DCC: variants seen among roughly 807,000 people sequenced by gnomAD.
DCC encodes the protein netrin receptor DCC.
Under a neutral mutation model 172.5 loss-of-function variants are expected in DCC, and 58 were observed. That is an observed-to-expected ratio of 0.34 (90% confidence interval 0.27 to 0.42). The LOEUF is 0.42. Among genes scored for constraint, DCC ranks in the 10% least tolerant of loss-of-function variants. DCC has a pLI of 1.00. For synonymous variants in DCC, 709 were observed against 644.5 expected (o/e 1.10, Z -1.52); for missense variants, 1,740 against 1,791.0 (o/e 0.97, Z 0.51).
At chr18:53,225,598 T>C (rs777367905) in intron 12 of DCC, among the ~76,000 whole-genome samples, 1 of 152,066 alleles carries the variant, frequency 6.6e-6, no homozygotes, top group Non-Finnish European at 1.5e-5. Context: ...TAAGTAAAGG[T>C]CATCAGAGTA....
intron 2 of DCC, among the ~76,000 whole-genome samples, chr18:52,770,397 G>C (rs764159843): frequency 2.0e-5 from 3 of 152,140 alleles, no homozygotes; most frequent in Non-Finnish European, 4.4e-5. Context: ...TGAGTGTTTA[G>C]GTATCACTGC....
chr18:53,013,625 G>T (rs746375543), intron 5 of DCC, among the ~76,000 whole-genome samples: 4 of 151,356 alleles, frequency 2.6e-5, no homozygotes, highest in Non-Finnish European at 4.4e-5. Flanking sequence ...GGGTTGATAG[G>T]TGCAGCAAAC....
At chr18:52,990,734 C>T (rs912360462) in intron 5 of DCC, among the ~76,000 whole-genome samples, 5 of 151,990 alleles carry the variant, frequency 3.3e-5, no homozygotes, top group Admixed American at 3.3e-4. Flanking sequence ...GGAAGAATAG[C>T]TTATTTGTGT....
intron 2 of DCC, among the ~76,000 whole-genome samples, chr18:52,832,565 A>G (rs1474833835): frequency 6.6e-6 from 1 of 152,164 alleles, no homozygotes; most frequent in Non-Finnish European, 1.5e-5. Flanking sequence ...CAGTCTTAAT[A>G]GCTTAACACA....
At chr18:52,678,572 T>C (rs2035686086) in intron 1 of DCC, among the ~76,000 whole-genome samples, 1 of 152,138 alleles carries the variant, frequency 6.6e-6, no homozygotes, top group Non-Finnish European at 1.5e-5. Context: ...GTAAGAAGCT[T>C]AAAAAAGTAA....
intron 19 of DCC, among the ~76,000 whole-genome samples, 181 bp downstream of exon 19, chr18:53,403,074 G>GCACACACACA (rs3059148): frequency 6.9e-6 from 1 of 145,804 alleles, no homozygotes; most frequent in Non-Finnish European, 1.5e-5. Flanking sequence ...TTCTAATGGT[G>GCACACACACA]CACACACACA....
intron 27 of DCC, among the ~76,000 whole-genome samples, chr18:53,504,909 T>A (rs553108300): frequency 6.6e-6 from 1 of 152,180 alleles, no homozygotes; most frequent in Non-Finnish European, 1.5e-5. Flanking sequence ...TTTGGAGAAA[T>A]GTTTTTTTGT....
At chr18:52,934,935 T>C (rs1377056529) in intron 5 of DCC, 2 of 152,144 alleles carry the variant, frequency 1.3e-5, no homozygotes, top group African/African-American at 4.8e-5. Flanking sequence ...TATAAGAAAG[T>C]ACATTTGTGT....
At chr18:52,802,038 T>TA (rs1486576105) in intron 2 of DCC, among the ~76,000 whole-genome samples, 8 of 152,026 alleles carry the variant, frequency 5.3e-5, no homozygotes, top group South Asian at 2.1e-4. Context: ...TTCTTTTTTT[T>TA]ATCAACATCC....
intron 1 of DCC, among the ~76,000 whole-genome samples, chr18:52,714,207 G>T (rs140276703): frequency 6.6e-6 from 1 of 152,192 alleles, no homozygotes; most frequent in East Asian, 1.9e-4. Context: ...CTGACCACAG[G>T]GTCCATGGCA....
At chr18:52,412,029 C>T (rs1055439973) in intron 1 of DCC, among the ~76,000 whole-genome samples, 7 of 152,134 alleles carry the variant, frequency 4.6e-5, no homozygotes, top group African/African-American at 1.7e-4. Flanking sequence ...TCAAATCCCA[C>T]ATCTTCCTTA....
intron 25 of DCC, among the ~76,000 whole-genome samples, chr18:53,479,699 A>G (rs530620958): frequency 1.1e-4 from 17 of 152,332 alleles, no homozygotes; most frequent in African/African-American, 4.1e-4. Flanking sequence ...GAAAGTAAAT[A>G]TTTTAGATGA....
chr18:52,506,267 G>T (rs938604089), intron 1 of DCC, among the ~76,000 whole-genome samples: 1 of 152,018 alleles, frequency 6.6e-6, no homozygotes, highest in Admixed American at 6.5e-5. Flanking sequence ...AGCTATAATA[G>T]AATACCTTTT....
chr18:52,959,453 A>C (rs191194429), intron 5 of DCC, among the ~76,000 whole-genome samples: 1 of 152,092 alleles, frequency 6.6e-6, no homozygotes, highest in East Asian at 1.9e-4. Flanking sequence ...CTGATTCAGG[A>C]GCTACATTTG....
chr18:53,130,847 ATGTAT>A lies in DCC; in HGVS notation c.1262-26505_1262-26501del, dbSNP rs550210849. On this transcript the variant is annotated intron_variant, in intron 7 of 28. Coordinates refer to ENST00000442544, the MANE Select transcript of DCC (RefSeq NM_005215.4). ...TATGTGTGTTTTCTACTTTCCTGAA[ATGTAT>A]TGTTTTTTTCTCGATTTCTGTGTTT... Among the ~76,000 whole-genome samples the A allele has an allele frequency of 2.1e-4, 32 of 152,058 alleles. No homozygotes were observed. In the South Asian group the frequency reaches 3.9e-3, roughly 19 times the overall value.
At chr18:52,358,323 C>G (rs1022488259) in intron 1 of DCC, among the ~76,000 whole-genome samples, 1 of 152,130 alleles carries the variant, frequency 6.6e-6, no homozygotes, top group African/African-American at 2.4e-5. Flanking sequence ...TTGAGATGGT[C>G]TTTGAGCTCA....
At chr18:52,913,975 A>G (rs1486323809) in intron 3 of DCC, among the ~76,000 whole-genome samples, 1 of 152,088 alleles carries the variant, frequency 6.6e-6, no homozygotes, top group Non-Finnish European at 1.5e-5. Context: ...TTATAGGCAC[A>G]CCTTTATTGA....
chr18:52,516,317 A>G (rs1238908284), intron 1 of DCC, among the ~76,000 whole-genome samples: 1 of 152,244 alleles, frequency 6.6e-6, no homozygotes, highest in Admixed American at 6.5e-5. Flanking sequence ...CTAACACACA[A>G]ATCTTTAAAT....
chr18:53,080,517 A>T (rs1055737537), intron 7 of DCC, among the ~76,000 whole-genome samples: 1 of 152,154 alleles, frequency 6.6e-6, no homozygotes, highest in Admixed American at 6.6e-5. Flanking sequence ...AAAGGAAGTA[A>T]ATATCCCAAA....
Sources: allele counts gnomAD v4.1 joint callset (sites outside exome capture counted in the v4.1 genomes callset), GRCh38; gene constraint gnomAD v4.1.1; transcripts MANE v1.5; gene names NCBI Gene and HGNC (gene_info 2026-07-23, HGNC 2026-07-21).